Variants in NTN1 observed in about 807,000 individuals in gnomAD.
NTN1 encodes netrin 1, also known as netrin-1.
A neutral mutation model predicts 54.2 loss-of-function variants in NTN1; 11 were observed. That is an observed-to-expected ratio of 0.20 (90% CI 0.13 to 0.34). The LOEUF (loss-of-function observed/expected upper bound fraction) is 0.34, where lower values mean the gene tolerates loss of function less well. Ranked by LOEUF, NTN1 falls within the 10% of genes least tolerant of loss-of-function variation. The probability of loss-of-function intolerance (pLI) is 1.00; values close to 1 mark genes in which losing one functional copy is unlikely to be tolerated. For missense variants in NTN1, 740 were observed against 893.1 expected, an observed-to-expected ratio of 0.83 and a Z score of 2.18; for synonymous variants, 371 against 382.0, an observed-to-expected ratio of 0.97 and a Z score of 0.33.
rs1391961956 is a variant in NTN1, at chr17:9,218,915, G to GGAAA, written c.1412-2253_1412-2252insGAAA. Among the ~76,000 whole-genome samples, 155 of 141,172 alleles carry GGAAA rather than the reference G, an allele frequency of 1.1e-3. 1 individual carries two copies. The highest frequency in any genetic ancestry group is 3.8e-3 in the African/African-American group (145 of 38,340). 92.6% of individuals were successfully genotyped at this position (141,172 alleles called of 152,430 possible). A position where few individuals can be genotyped will look rare whatever the true frequency, so the allele number is the denominator to read the frequency against. Reference sequence around the variant, plus strand: ...GCTGGTGTGGGATGATGGCTTTTGTGAAAAAAAAAAAAAAAATTGCGAGGA... The same window carrying GGAAA: ...GCTGGTGTGGGATGATGGCTTTTGTGGAAAAAAAAAAAAAAAAAAATTGCGAGGA... On this transcript the variant is annotated intron_variant, in intron 5 of 6. Transcript: ENST00000173229.
At chr17:9,073,869 C>T (rs565353930) in intron 2 of NTN1, among the ~76,000 whole-genome samples, 3 of 152,356 alleles carry the variant, frequency 2.0e-5, no homozygotes, top group Admixed American at 2.0e-4. Context: ...CTCTTTCGCG[C>T]AGTGAGTTCA....
intron 5 of NTN1, among the ~76,000 whole-genome samples, chr17:9,186,373 T>G (rs2092432828): frequency 6.6e-6 from 1 of 152,156 alleles, no homozygotes; most frequent in African/African-American, 2.4e-5. Context: ...ATGGCCTCCT[T>G]GGTTTGAGGG....
intron 2 of NTN1, among the ~76,000 whole-genome samples, chr17:9,081,626 C>T (rs376734130): frequency 4.6e-5 from 7 of 152,280 alleles, no homozygotes; most frequent in South Asian, 4.1e-4. Context: ...ACGAGGAAGC[C>T]GACTGCTGTC....
chr17:9,112,006 G>C (rs770756209), intron 2 of NTN1, among the ~76,000 whole-genome samples: 2 of 152,236 alleles, frequency 1.3e-5, no homozygotes, highest in Non-Finnish European at 1.5e-5. Flanking sequence ...AACGGCCATT[G>C]TGGATTTTCA....
chr17:9,155,798 T>A (rs2092340207), intron 2 of NTN1, among the ~76,000 whole-genome samples: 1 of 152,200 alleles, frequency 6.6e-6, no homozygotes, highest in African/African-American at 2.4e-5. Context: ...TGGCAGGCTC[T>A]GTTTGGGGGA....
At chr17:9,030,934 G>T (rs546784067) in intron 2 of NTN1, among the ~76,000 whole-genome samples, 1 of 152,254 alleles carries the variant, frequency 6.6e-6, no homozygotes, top group South Asian at 2.1e-4. Flanking sequence ...TCTCCCTGGA[G>T]GATTCAGGAA....
chr17:9,008,681 A>C, the NTN1 span, among the ~76,000 whole-genome samples: 3 of 152,196 alleles, frequency 2.0e-5, no homozygotes, highest in Non-Finnish European at 4.4e-5. Flanking sequence ...GGTCTTCTGC[A>C]TATGGTTTTT....
intron 5 of NTN1, among the ~76,000 whole-genome samples, chr17:9,202,843 T>C (rs1904839869): frequency 6.6e-6 from 1 of 152,232 alleles, no homozygotes; most frequent in African/African-American, 2.4e-5. Context: ...GTTGGGACTG[T>C]TTGCCTCTGT....
chr17:9,150,822 A>G (rs2092325403), intron 2 of NTN1, among the ~76,000 whole-genome samples: 1 of 151,100 alleles, frequency 6.6e-6, no homozygotes, highest in Non-Finnish European at 1.5e-5. Flanking sequence ...AATGACGGCG[A>G]GGTCAAGCAG....
chr17:9,095,287 T>C (rs1246382602), intron 2 of NTN1, among the ~76,000 whole-genome samples: 1 of 152,242 alleles, frequency 6.6e-6, no homozygotes, highest in Non-Finnish European at 1.5e-5. Flanking sequence ...AAAAATGCTT[T>C]TTACTTTTAT....
chr17:9,127,077 G>GC (rs1555570082), intron 2 of NTN1, among the ~76,000 whole-genome samples: 3 of 145,776 alleles, frequency 2.1e-5, no homozygotes, highest in African/African-American at 2.5e-5. Flanking sequence ...GGGCCGGGGG[G>GC]GGGCAGGACA....
At chr17:9,046,022 G>A (rs1027927775) in intron 2 of NTN1, among the ~76,000 whole-genome samples, 1 of 152,110 alleles carries the variant, frequency 6.6e-6, no homozygotes, top group African/African-American at 2.4e-5. Flanking sequence ...CAAATTCTTA[G>A]GTGGAATCAA....
At chr17:9,050,943 C>G (rs2091958618) in intron 2 of NTN1, among the ~76,000 whole-genome samples, 1 of 152,164 alleles carries the variant, frequency 6.6e-6, no homozygotes, top group African/African-American at 2.4e-5. Context: ...CCCTCTTGCC[C>G]TGGAGCAAAA....
chr17:9,229,316 C>G (rs2142368087), intron 6 of NTN1, among the ~76,000 whole-genome samples: 1 of 152,322 alleles, frequency 6.6e-6, no homozygotes, highest in Admixed American at 6.5e-5. Context: ...GCCCAGCCAA[C>G]AACTATTCCC....
chr17:9,111,187 C>T (rs1050788690), intron 2 of NTN1, among the ~76,000 whole-genome samples: 15 of 152,006 alleles, frequency 9.9e-5, no homozygotes, highest in African/African-American at 3.1e-4. Flanking sequence ...CCGCCTGCCT[C>T]GGCCTCCCAA....
chr17:9,163,123 A>C, intron 3 of NTN1, 122 bp downstream of exon 3: 2 of 866,080 alleles, frequency 2.3e-6, no homozygotes, highest in Non-Finnish European at 3.5e-6. Flanking sequence ...GTCTGAGGTC[A>C]TCTCTCTCTC....
chr17:9,160,283 T>A (rs1188596142), intron 2 of NTN1, among the ~76,000 whole-genome samples: 3 of 152,122 alleles, frequency 2.0e-5, no homozygotes, highest in African/African-American at 7.2e-5. Context: ...TTTGTATTTT[T>A]TAGTAGAGAC....
At chr17:9,181,400 C>A (rs1269311922) in intron 4 of NTN1, among the ~76,000 whole-genome samples, 1 of 152,174 alleles carries the variant, frequency 6.6e-6, no homozygotes, top group Non-Finnish European at 1.5e-5. Flanking sequence ...GACTCTGTGG[C>A]CATTGGCTTC....
At position 9,135,082 on chromosome 17, in the gene NTN1, C is replaced by T. The variant is rs570608597; in HGVS notation, c.1019-27731C>T. Among the ~76,000 whole-genome samples the T allele has an allele frequency of 1.1e-4, 17 of 152,242 alleles. No individual in the cohort carries two copies. Among genetic ancestry groups the T allele is most frequent in the African/African-American group, 4.1e-4 (17 of 41,538 alleles). ...GAGTGCTGTACCTGGACACGGGTGT[C>T]CCCATCCACACCGAGGGCCCGGTAA... On this transcript the variant is annotated intron_variant, in intron 2 of 6. Transcript: ENST00000173229. The surrounding 1 kb of genome is among the most constrained non-coding windows in gnomAD (Gnocchi z 4.4).
Sources: gnomAD v4.1 joint callset for allele counts (sites outside exome capture counted in the v4.1 genomes callset) on GRCh38, gnomAD v4.1.1 for gene constraint, Gnocchi (gnomAD v3.1) non-coding constraint, MANE v1.5 for transcripts, NCBI Gene and HGNC (gene_info 2026-07-23, HGNC 2026-07-21) for gene names.